EIF2B3: variants seen among roughly 807,000 people sequenced by gnomAD.
EIF2B3 encodes the protein translation initiation factor eIF2B subunit gamma.
A neutral mutation model predicts 54.1 loss-of-function variants in EIF2B3; 20 were observed. The ratio of observed to expected loss-of-function variants is 0.37; its 90% CI spans 0.26 to 0.54. EIF2B3 has a LOEUF of 0.54. Among genes scored for constraint, EIF2B3 ranks in the 20% least tolerant of loss-of-function variants. EIF2B3 has a pLI of 0.86. For missense variants in EIF2B3, 448 were observed against 547.8 expected, an observed-to-expected ratio of 0.82 and a Z score of 1.82; for synonymous variants, 153 against 188.1, an observed-to-expected ratio of 0.81 and a Z score of 1.52.
intron 3 of EIF2B3, among the ~76,000 whole-genome samples, chr1:44,952,556 A>ATTTTTT (rs34153088): frequency 7.1e-6 from 1 of 141,508 alleles, no homozygotes; most frequent in Non-Finnish European, 1.5e-5. Flanking sequence ...CTTTTCTCCA[A>ATTTTTT]TTTTTTTTTT....
Position 44,910,936 on chromosome 1 carries a change from C to T in EIF2B3, c.567-13492G>A, listed in dbSNP as rs1049555876. Among the ~76,000 whole-genome samples the T allele has an allele frequency of 7.3e-5, 11 of 151,660 alleles. No individual in the cohort carries two copies. The South Asian group carries it at 1.7e-3, about 23-fold the overall frequency. ...CTTCAGTGGTAATCTGAGATTTTGG[C>T]GCACCCATCTCCTGAGCAGTATAGA... On this transcript the variant is annotated intron_variant, in intron 5 of 11. Transcript: ENST00000360403.
intron 3 of EIF2B3, among the ~76,000 whole-genome samples, chr1:44,951,791 CTTT>C (rs59135544): frequency 2.9e-5 from 4 of 140,024 alleles, no homozygotes; most frequent in Non-Finnish European, 3.1e-5. Flanking sequence ...CTCCCTTCCT[CTTT>C]TTTTTTTTTT....
chr1:44,898,118 G>A (rs1263880312), intron 5 of EIF2B3, among the ~76,000 whole-genome samples: 2 of 151,992 alleles, frequency 1.3e-5, no homozygotes, highest in African/African-American at 4.8e-5. Context: ...CTCAGACCAT[G>A]CCATGCTTTC....
chr1:44,918,776 T>C (rs765102943), intron 5 of EIF2B3, among the ~76,000 whole-genome samples: 28 of 152,196 alleles, frequency 1.8e-4, no homozygotes, highest in Non-Finnish European at 3.4e-4. Flanking sequence ...ATTTAACTTA[T>C]TTTCATCATC....
chr1:44,948,844 T>TTTTTC (rs755155826), intron 3 of EIF2B3, among the ~76,000 whole-genome samples: 8 of 150,378 alleles, frequency 5.3e-5, no homozygotes, highest in Non-Finnish European at 1.0e-4. Context: ...CAATGTTAAC[T>TTTTTC]TTTTCTTTTC....
chr1:44,936,631 G>C (rs1643950510), intron 4 of EIF2B3, among the ~76,000 whole-genome samples: 1 of 151,994 alleles, frequency 6.6e-6, no homozygotes, highest in Non-Finnish European at 1.5e-5. Flanking sequence ...GGCTTGTCTA[G>C]ACATTTGTCA....
At chr1:44,931,494 C>T (rs1643896528) in intron 4 of EIF2B3, among the ~76,000 whole-genome samples, 1 of 152,240 alleles carries the variant, frequency 6.6e-6, no homozygotes. Context: ...GCTGATATCA[C>T]TTGAACAGAG....
intron 5 of EIF2B3, among the ~76,000 whole-genome samples, chr1:44,901,618 G>A (rs1420394242): frequency 6.7e-6 from 1 of 148,890 alleles, no homozygotes; most frequent in Non-Finnish European, 1.5e-5. Flanking sequence ...GAGTGCTGTG[G>A]CGTGATCACA....
intron 5 of EIF2B3, among the ~76,000 whole-genome samples, chr1:44,922,329 G>A (rs925207982): frequency 6.6e-6 from 1 of 150,842 alleles, no homozygotes; most frequent in East Asian, 2.0e-4. Context: ...GCTCACGCCT[G>A]TAATCTCAGC....
At chr1:44,860,197 T>C (rs147031799) in intron 10 of EIF2B3, among the ~76,000 whole-genome samples, 3 of 152,252 alleles carry the variant, frequency 2.0e-5, no homozygotes, top group East Asian at 3.9e-4. Flanking sequence ...TCACCCAGGC[T>C]GGAGTGCAGT....
chr1:44,978,778 A>C (rs993018265), intron 2 of EIF2B3, among the ~76,000 whole-genome samples: 1 of 151,282 alleles, frequency 6.6e-6, no homozygotes, highest in African/African-American at 2.4e-5. Flanking sequence ...CTGAGACTAC[A>C]GGCATGTGCC....
At chr1:44,952,471 A>G (rs543950760) in intron 3 of EIF2B3, among the ~76,000 whole-genome samples, 1 of 152,056 alleles carries the variant, frequency 6.6e-6, no homozygotes, top group Non-Finnish European at 1.5e-5. Context: ...AGCAGCAAAC[A>G]TCTTTCTGAC....
intron 5 of EIF2B3, among the ~76,000 whole-genome samples, chr1:44,901,751 G>A (rs263971): frequency 0.17 from 25,950 of 151,318 alleles, 2,318 homozygotes; most frequent in Non-Finnish European, 0.18. Context: ...TTGTAGAGAC[G>A]GGTTTTGCCA....
intron 10 of EIF2B3, among the ~76,000 whole-genome samples, chr1:44,858,346 G>A: frequency 6.6e-6 from 1 of 151,872 alleles, no homozygotes; most frequent in Admixed American, 6.6e-5. Context: ...TTCTCATCTG[G>A]GAATATATAC....
At chr1:44,886,789 G>A (rs1655600799) in intron 6 of EIF2B3, among the ~76,000 whole-genome samples, 1 of 152,054 alleles carries the variant, frequency 6.6e-6, no homozygotes, top group African/African-American at 2.4e-5. Context: ...TCCTTTTTTT[G>A]TCTAAAAATT....
intron 10 of EIF2B3, among the ~76,000 whole-genome samples, chr1:44,859,945 G>A (rs1424963059): frequency 4.0e-5 from 6 of 150,758 alleles, no homozygotes; most frequent in African/African-American, 1.5e-4. Context: ...TTTAGTAGAG[G>A]CAGGGTTTCG....
chr1:44,983,943 G>C (rs1644541630), intron 1 of EIF2B3, among the ~76,000 whole-genome samples: 1 of 151,894 alleles, frequency 6.6e-6, no homozygotes, highest in Non-Finnish European at 1.5e-5. Context: ...CCTAACCTTA[G>C]GTGATCCACC....
intron 4 of EIF2B3, among the ~76,000 whole-genome samples, chr1:44,940,200 A>G (rs761812572): frequency 6.6e-6 from 1 of 152,196 alleles, no homozygotes; most frequent in African/African-American, 2.4e-5. Flanking sequence ...TGGCTCTATT[A>G]ATAATAGTAA....
intron 5 of EIF2B3, among the ~76,000 whole-genome samples, chr1:44,912,330 C>T (rs1193618831): frequency 1.3e-5 from 2 of 152,174 alleles, no homozygotes; most frequent in African/African-American, 4.8e-5. Context: ...TTGAATTTAG[C>T]AATCCAACAC....
Sources: allele counts gnomAD v4.1 joint callset (sites outside exome capture counted in the v4.1 genomes callset), GRCh38; gene constraint gnomAD v4.1.1; transcripts MANE v1.5; gene names NCBI Gene and HGNC (gene_info 2026-07-23, HGNC 2026-07-21).